The following CSNK2A2IP variants were observed in gnomAD, a reference collection of about 807,000 sequenced individuals.
CSNK2A2IP encodes the protein casein kinase II subunit alpha'-interacting protein.
the CSNK2A2IP span, among the ~76,000 whole-genome samples, chr3:88,373,137 T>C: frequency 6.6e-6 from 1 of 151,484 alleles, no homozygotes; most frequent in Non-Finnish European, 1.5e-5. Flanking sequence ...TTTGACCTAA[T>C]TGTTATTTAT....
At chr3:88,380,184 A>C in the CSNK2A2IP span, among the ~76,000 whole-genome samples, 1 of 152,066 alleles carries the variant, frequency 6.6e-6, no homozygotes, top group African/African-American at 2.4e-5. Flanking sequence ...ATAAATTATA[A>C]GGCTAAAAAA....
the CSNK2A2IP span, among the ~76,000 whole-genome samples, chr3:88,342,286 C>T: frequency 6.6e-6 from 1 of 151,994 alleles, no homozygotes. Flanking sequence ...CTTTTCTGTA[C>T]ATCGTGAATT....
At chr3:88,352,454 A>G in the CSNK2A2IP span, among the ~76,000 whole-genome samples, 1 of 152,202 alleles carries the variant, frequency 6.6e-6, no homozygotes, top group African/African-American at 2.4e-5. Context: ...TGGCAAGATC[A>G]TGTGAAAGAT....
the CSNK2A2IP span, among the ~76,000 whole-genome samples, chr3:88,423,170 C>T: frequency 6.6e-6 from 1 of 152,120 alleles, no homozygotes; most frequent in Non-Finnish European, 1.5e-5. Context: ...CCTAAGAGAA[C>T]TGTTGGTAAA....
At chr3:88,448,020 T>C in the CSNK2A2IP span, among the ~76,000 whole-genome samples, 1 of 152,218 alleles carries the variant, frequency 6.6e-6, no homozygotes, top group African/African-American at 2.4e-5. Context: ...ATTTTCTTTA[T>C]ACCTAAAATA....
chr3:88,439,740 C>A, the CSNK2A2IP span, among the ~76,000 whole-genome samples: 1,469 of 119,542 alleles, frequency 0.012, no homozygotes, highest in Middle Eastern at 0.013. Flanking sequence ...GACTCTGTCT[C>A]AAAAAAAAAA....
At chr3:88,430,811 C>A in the CSNK2A2IP span, among the ~76,000 whole-genome samples, 4 of 152,108 alleles carry the variant, frequency 2.6e-5, no homozygotes, top group Non-Finnish European at 4.4e-5. Context: ...CACCACCCTG[C>A]ACCCTTCCTC....
chr3:88,386,432 C>T, the CSNK2A2IP span, among the ~76,000 whole-genome samples: 1 of 152,182 alleles, frequency 6.6e-6, no homozygotes, highest in Non-Finnish European at 1.5e-5. Context: ...AGCCGCAATA[C>T]TCAATTTCTC....
the CSNK2A2IP span, among the ~76,000 whole-genome samples, chr3:88,430,252 T>A: frequency 3.3e-5 from 5 of 152,118 alleles, no homozygotes; most frequent in African/African-American, 1.2e-4. Flanking sequence ...TTTGATAGGA[T>A]ATTGCATCTA....
the CSNK2A2IP span, among the ~76,000 whole-genome samples, chr3:88,399,034 G>A: frequency 6.6e-6 from 1 of 152,196 alleles, no homozygotes; most frequent in African/African-American, 2.4e-5. Flanking sequence ...AAGGAGGTCT[G>A]TCAGAGAATA....
the CSNK2A2IP span, among the ~76,000 whole-genome samples, chr3:88,362,923 C>A: frequency 6.6e-6 from 1 of 152,270 alleles, no homozygotes; most frequent in South Asian, 2.1e-4. Context: ...AGAAGTGATA[C>A]CCACACTCCT....
the CSNK2A2IP span, chr3:88,466,623 T>G: frequency 8.1e-7 from 1 of 1,231,130 alleles, no homozygotes; most frequent in Non-Finnish European, 1.0e-6. Context: ...CCTGCATTGT[T>G]AAAGGTGGAA....
the CSNK2A2IP span, among the ~76,000 whole-genome samples, chr3:88,374,432 C>T: frequency 1.3e-5 from 2 of 151,656 alleles, no homozygotes; most frequent in Non-Finnish European, 3.0e-5. Flanking sequence ...AACATACAAA[C>T]AAATTTTACC....
the CSNK2A2IP span, among the ~76,000 whole-genome samples, chr3:88,369,504 G>A: frequency 6.6e-6 from 1 of 151,920 alleles, no homozygotes; most frequent in African/African-American, 2.4e-5. Context: ...GTAACATTGT[G>A]GCTTGTTATT....
the CSNK2A2IP span, among the ~76,000 whole-genome samples, chr3:88,363,951 T>A: frequency 6.6e-6 from 1 of 152,156 alleles, no homozygotes; most frequent in African/African-American, 2.4e-5. Flanking sequence ...CTCACATTGA[T>A]CATCTCTCTG....
chr3:88,407,229 C>T, the CSNK2A2IP span, among the ~76,000 whole-genome samples: 2 of 135,576 alleles, frequency 1.5e-5, no homozygotes, highest in Non-Finnish European at 3.0e-5. Context: ...TATTACCTGG[C>T]ATTGTGCAAA....
the CSNK2A2IP span, chr3:88,399,551 T>C: frequency 6.6e-6 from 1 of 152,236 alleles, no homozygotes; most frequent in African/African-American, 2.4e-5. Context: ...AAGTGCTTAC[T>C]ATATGCTGGT....
chr3:88,390,189 G>T, the CSNK2A2IP span, among the ~76,000 whole-genome samples: 18 of 152,112 alleles, frequency 1.2e-4, no homozygotes, highest in Admixed American at 5.2e-4. Context: ...GCTCAAAATT[G>T]TTACAATAGA....
At chr3:88,346,779 A>G in the CSNK2A2IP span, among the ~76,000 whole-genome samples, 1 of 151,498 alleles carries the variant, frequency 6.6e-6, no homozygotes, top group South Asian at 2.1e-4. Flanking sequence ...AATGTTGTTA[A>G]GCCTGCTTAC....
Sources: allele counts gnomAD v4.1 joint callset (sites outside exome capture counted in the v4.1 genomes callset), GRCh38; gene constraint gnomAD v4.1.1; transcripts MANE v1.5; gene names NCBI Gene and HGNC (gene_info 2026-07-23, HGNC 2026-07-21).